The following MSRA variants were observed in gnomAD, a reference collection of about 807,000 sequenced individuals.
MSRA encodes methionine sulfoxide reductase A.
In MSRA, 54 loss-of-function variants were observed where a neutral mutation model predicts 31.3. The observed-to-expected ratio is 1.73, with a 90% CI of 1.39 to 2.17. The LOEUF (loss-of-function observed/expected upper bound fraction) is 2.17, where lower values mean the gene tolerates loss of function less well. Ranked by LOEUF, MSRA falls within the 30% of genes most tolerant of loss-of-function variation. The pLI is 0.00. For synonymous variants in MSRA, 169 were observed against 116.5 expected, an observed-to-expected ratio of 1.45 and a Z score of -2.90; for missense variants, 507 against 300.9, an observed-to-expected ratio of 1.69 and a Z score of -5.07.
At chr8:10,397,413 G>A (rs763720669) in intron 5 of MSRA, among the ~76,000 whole-genome samples, 6 of 152,210 alleles carry the variant, frequency 3.9e-5, no homozygotes, top group Non-Finnish European at 5.9e-5. Context: ...GGAGTTCATT[G>A]AGCTGAAATG....
chr8:10,415,673 G>A (rs1337394249), intron 5 of MSRA, among the ~76,000 whole-genome samples: 2 of 151,990 alleles, frequency 1.3e-5, no homozygotes, highest in African/African-American at 2.4e-5. Context: ...CACCTTTCCA[G>A]TTTATCCTTG....
chr8:10,178,493 A>G (rs763005648), intron 1 of MSRA, among the ~76,000 whole-genome samples: 1 of 152,206 alleles, frequency 6.6e-6, no homozygotes, highest in Non-Finnish European at 1.5e-5. Context: ...AATTGAAAAA[A>G]ACTGCTATCA....
intron 5 of MSRA, among the ~76,000 whole-genome samples, chr8:10,352,640 T>C (rs1804247073): frequency 6.6e-6 from 1 of 152,156 alleles, no homozygotes; most frequent in African/African-American, 2.4e-5. Flanking sequence ...TCCCTGAAAA[T>C]ACTCAAATAT....
intron 3 of MSRA, among the ~76,000 whole-genome samples, chr8:10,274,435 CCTGACA>C (rs2129102621): frequency 1.3e-5 from 2 of 152,262 alleles, no homozygotes; most frequent in African/African-American, 4.8e-5. Flanking sequence ...TCACCATTAT[CCTGACA>C]CTAAGAGTGA....
rs1209752498 is a variant in MSRA, at chr8:10,103,666, A to G, written c.142+49008A>G. Among the ~76,000 whole-genome samples, 6 of 152,302 alleles carry G rather than the reference A, an allele frequency of 3.9e-5. No homozygotes were observed. In the East Asian group the frequency reaches 9.6e-4, roughly 24 times the overall value. ...ATAAAGATAATGTACCTAATTCTGT[A>G]TGCTTTTCAGCTGTTTATTCCAATA... On this transcript the variant is annotated intron_variant, in intron 1 of 5. Coordinates refer to ENST00000317173, the MANE Select transcript of MSRA (RefSeq NM_012331.5).
chr8:10,222,052 GA>G (rs57508405), intron 2 of MSRA, among the ~76,000 whole-genome samples: 2,391 of 152,016 alleles, frequency 0.016, 49 homozygotes, highest in African/African-American at 0.054. Flanking sequence ...AGGAAGTCTA[GA>G]GGGTTTAAGG....
chr8:10,237,807 C>T (rs1213544537), intron 2 of MSRA, among the ~76,000 whole-genome samples: 1 of 152,192 alleles, frequency 6.6e-6, no homozygotes, highest in East Asian at 1.9e-4. Context: ...TATCCAGATT[C>T]TAATCATGAC....
chr8:10,123,451 C>G (rs923348777), intron 1 of MSRA, among the ~76,000 whole-genome samples: 1 of 152,176 alleles, frequency 6.6e-6, no homozygotes, highest in Non-Finnish European at 1.5e-5. Context: ...CAAAAATTTT[C>G]TCCCATTCTG....
chr8:10,063,856 C>T (rs894556376), intron 1 of MSRA, among the ~76,000 whole-genome samples: 1 of 152,162 alleles, frequency 6.6e-6, no homozygotes, highest in Admixed American at 6.5e-5. Flanking sequence ...AGCAGTCTGG[C>T]GGACTGAGAC....
At chr8:10,406,125 C>T (rs556283386) in intron 5 of MSRA, among the ~76,000 whole-genome samples, 1 of 152,368 alleles carries the variant, frequency 6.6e-6, no homozygotes, top group South Asian at 2.1e-4. Flanking sequence ...AAGCGTGACT[C>T]TCCCTGTATC....
intron 5 of MSRA, among the ~76,000 whole-genome samples, chr8:10,346,112 A>G (rs951558177): frequency 6.6e-6 from 1 of 152,220 alleles, no homozygotes; most frequent in African/African-American, 2.4e-5. Flanking sequence ...AAATTTACAA[A>G]GTTCCCTAAG....
At chr8:10,094,128 G>A (rs1423734251) in intron 1 of MSRA, among the ~76,000 whole-genome samples, 2 of 152,162 alleles carry the variant, frequency 1.3e-5, no homozygotes, top group African/African-American at 4.8e-5. Context: ...TATTTGAAGG[G>A]ACAGCATGGG....
intron 1 of MSRA, among the ~76,000 whole-genome samples, chr8:10,083,451 C>G (rs1187730463): frequency 6.6e-6 from 1 of 152,164 alleles, no homozygotes; most frequent in Non-Finnish European, 1.5e-5. Flanking sequence ...AATTTACTCA[C>G]AATGATGGAG....
chr8:10,377,355 T>G (rs1563411042), intron 5 of MSRA, among the ~76,000 whole-genome samples: 1 of 152,264 alleles, frequency 6.6e-6, no homozygotes, highest in Non-Finnish European at 1.5e-5. Context: ...AGGCACAGTT[T>G]GCTTTATAAA....
chr8:10,162,645 A>G (rs1419275661), intron 1 of MSRA, among the ~76,000 whole-genome samples: 1 of 152,180 alleles, frequency 6.6e-6, no homozygotes, highest in African/African-American at 2.4e-5. Flanking sequence ...CTATTTTACT[A>G]TACCATCTCA....
chr8:10,327,744 T>G (rs2129142183), intron 5 of MSRA, among the ~76,000 whole-genome samples: 1 of 152,248 alleles, frequency 6.6e-6, no homozygotes, highest in Admixed American at 6.5e-5. Flanking sequence ...CTATCCTGGC[T>G]AACAAGGTGA....
chr8:10,375,168 C>A (rs1233979873), intron 5 of MSRA, among the ~76,000 whole-genome samples: 1 of 152,214 alleles, frequency 6.6e-6, no homozygotes, highest in Non-Finnish European at 1.5e-5. Context: ...CTTGTACAGC[C>A]ACAAATCTGC....
chr8:10,092,527 G>T (rs143276529), intron 1 of MSRA, among the ~76,000 whole-genome samples: 2 of 152,042 alleles, frequency 1.3e-5, no homozygotes, highest in Non-Finnish European at 2.9e-5. Context: ...GCATGGTGGC[G>T]CACGCCTTTA....
intron 3 of MSRA, among the ~76,000 whole-genome samples, chr8:10,254,869 C>G (rs13282256): frequency 1.3e-5 from 2 of 152,198 alleles, no homozygotes; most frequent in East Asian, 1.9e-4. Context: ...AAAAAATAAT[C>G]TAGAGATCTG....
Sources: allele counts gnomAD v4.1 joint callset (sites outside exome capture counted in the v4.1 genomes callset), GRCh38; gene constraint gnomAD v4.1.1; transcripts MANE v1.5; gene names NCBI Gene and HGNC (gene_info 2026-07-23, HGNC 2026-07-21).